CNOT10: variants seen among roughly 807,000 people sequenced by gnomAD.
The protein encoded by CNOT10 is CCR4-NOT transcription complex subunit 10.
A neutral mutation model predicts 94.6 loss-of-function variants in CNOT10; 30 were observed. That is an observed-to-expected ratio of 0.32 (90% CI 0.24 to 0.43). CNOT10 has a LOEUF of 0.43. CNOT10 is among the 20% of genes least tolerant of loss of function. The pLI, the probability that CNOT10 is intolerant of heterozygous loss-of-function variation, is 1.00. For synonymous variants in CNOT10, 289 were observed against 301.6 expected (o/e 0.96, Z 0.43); for missense variants, 759 against 877.2 (o/e 0.87, Z 1.70).
At position 32,728,564 on chromosome 3, in the gene CNOT10, G is replaced by C. The variant is rs528986464; in HGVS notation, c.1215+694G>C. ...GGAGGTGGAGGTTGGAGTGAGACCA[G>C]ATAGAGCCACTGCACTCCACCTTAG... On this transcript the variant is annotated intron_variant, in intron 10 of 18. Transcript: ENST00000328834. Among the ~76,000 whole-genome samples the C allele has an allele frequency of 3.9e-5, 6 of 152,108 alleles. No individual in the cohort carries two copies. In the South Asian group the frequency reaches 8.3e-4, roughly 21 times the overall value.
intron 13 of CNOT10, among the ~76,000 whole-genome samples, chr3:32,755,634 A>C (rs748955945): frequency 3.3e-5 from 5 of 151,884 alleles, no homozygotes; most frequent in Non-Finnish European, 7.4e-5. Context: ...ACTATTTCAG[A>C]TATTTGGTTT....
chr3:32,720,949 T>C (rs73059835), intron 8 of CNOT10, among the ~76,000 whole-genome samples: 19,316 of 138,958 alleles, frequency 0.14, 1,453 homozygotes, highest in South Asian at 0.2. Context: ...CTTCCCTTCC[T>C]TCCCTTCCCT....
chr3:32,708,129 C>G (rs1697708827), intron 3 of CNOT10, among the ~76,000 whole-genome samples: 1 of 152,036 alleles, frequency 6.6e-6, no homozygotes. Context: ...AACTCCTGAC[C>G]TCAAGTGATC....
intron 13 of CNOT10, among the ~76,000 whole-genome samples, chr3:32,749,115 T>G (rs1321009062): frequency 2.0e-5 from 3 of 151,744 alleles, no homozygotes; most frequent in Non-Finnish European, 4.4e-5. Flanking sequence ...AGCCAACGCA[T>G]CCGGCCAAGA....
chr3:32,697,249 C>T (rs1697116540), intron 1 of CNOT10, among the ~76,000 whole-genome samples: 1 of 152,144 alleles, frequency 6.6e-6, no homozygotes, highest in African/African-American at 2.4e-5. Context: ...CATGTCCAGC[C>T]TGATACTTCC....
intron 4 of CNOT10, among the ~76,000 whole-genome samples, chr3:32,711,450 C>CT (rs895807977): frequency 1.7e-4 from 25 of 150,250 alleles, no homozygotes; most frequent in African/African-American, 5.6e-4. Context: ...GATGCAACAA[C>CT]TTTTTTTTTT....
At position 32,733,335 on chromosome 3, in the gene CNOT10, T is replaced by G. The variant is rs1699040070; in HGVS notation, c.1216-88T>G. On this transcript the variant is annotated intron_variant, in intron 10 of 18. Coordinates refer to ENST00000328834, the MANE Select transcript of CNOT10 (RefSeq NM_015442.3). ...TTGACTTTAAGAACTTTCTTAAATT[T>G]AGAGTAATTGTGAGAGATATTCCCT... The G allele has an allele frequency of 2.9e-6, 3 of 1,048,078 alleles. No individual in the cohort carries two copies. The South Asian group carries it at 5.9e-5, about 21-fold the overall frequency. 64.9% of individuals were successfully genotyped at this position (1,048,078 alleles called of 1,614,324 possible). A position where few individuals can be genotyped will look rare whatever the true frequency, so the allele number is the denominator to read the frequency against.
chr3:32,729,596 A>G (rs544749870), intron 10 of CNOT10, among the ~76,000 whole-genome samples: 83 of 152,254 alleles, frequency 5.5e-4, no homozygotes, highest in Non-Finnish European at 1.1e-3. Flanking sequence ...GTTTTCATAC[A>G]TGGTACTTAG....
chr3:32,685,301 T>A lies in CNOT10; in HGVS notation c.-160T>A, dbSNP rs1696547128. ...ACGACGGGAACTAGCTCTCGTCACT[T>A]CCTCAGCCCGCCGTCTGCCCACTCC... On this transcript the variant is annotated 5_prime_UTR_variant, in exon 1 of 19. Transcript: ENST00000328834. 1 of 710,146 alleles carries A rather than the reference T, an allele frequency of 1.4e-6. No homozygotes were observed. Among genetic ancestry groups the A allele is most frequent in the Admixed American group, 2.7e-5 (1 of 37,694 alleles). 44.0% of individuals were successfully genotyped at this position (710,146 alleles called of 1,614,324 possible). A position where few individuals can be genotyped will look rare whatever the true frequency, so the allele number is the denominator to read the frequency against.
chr3:32,713,471 T>A (rs1697977567), intron 5 of CNOT10, 102 bp downstream of exon 5: 1 of 921,652 alleles, frequency 1.1e-6, no homozygotes, highest in Non-Finnish European at 1.6e-6. Flanking sequence ...ATATGATTAA[T>A]GTTTGTGGTT....
At position 32,685,365 on chromosome 3, in the gene CNOT10, C is replaced by T; in HGVS notation, c.-96C>T. ...TGGGGGCCCGGAGCCGGGGTAGGCA[C>T]AGAGTTGTCCTCGGAGGTCCAGGAC... On this transcript the variant is annotated 5_prime_UTR_variant, in exon 1 of 19. Coordinates refer to ENST00000328834, the MANE Select transcript of CNOT10 (RefSeq NM_015442.3). The T allele has an allele frequency of 6.9e-7, 1 of 1,444,462 alleles. No individual in the cohort carries two copies. The highest frequency in any genetic ancestry group is 1.4e-5 in the African/African-American group (1 of 71,022). The allele number at this position is 1,444,462 out of a possible 1,614,324, so 89.5% of individuals were successfully genotyped here.
At chr3:32,711,607 A>C (rs1174694596) in intron 4 of CNOT10, among the ~76,000 whole-genome samples, 1 of 152,192 alleles carries the variant, frequency 6.6e-6, no homozygotes, top group Non-Finnish European at 1.5e-5. Context: ...TAAGGTAATC[A>C]AGCAAGGCCT....
chr3:32,757,827 G>C (rs1700285034), intron 13 of CNOT10, among the ~76,000 whole-genome samples: 1 of 152,132 alleles, frequency 6.6e-6, no homozygotes, highest in Non-Finnish European at 1.5e-5. Flanking sequence ...TTGATAGTAG[G>C]CTTGCCAGGA....
intron 14 of CNOT10, 147 bp from the exon 15 acceptor site, chr3:32,762,586 C>G: frequency 1.2e-6 from 1 of 833,842 alleles, no homozygotes; most frequent in Non-Finnish European, 1.8e-6. Context: ...ATTCGTTTTA[C>G]CTAAATAAAT....
intron 10 of CNOT10, among the ~76,000 whole-genome samples, chr3:32,728,111 C>G (rs1029198253): frequency 6.6e-6 from 1 of 151,930 alleles, no homozygotes; most frequent in African/African-American, 2.4e-5. Context: ...ATTCTTCTGC[C>G]TCAGCCTCCC....
At chr3:32,727,912 C>A in intron 10 of CNOT10, 42 bp downstream of exon 10, 1 of 1,423,974 alleles carries the variant, frequency 7.0e-7, no homozygotes, top group Non-Finnish European at 9.7e-7. Context: ...TGTCTTCTCC[C>A]CACTTACTAC....
intron 8 of CNOT10, 130 bp downstream of exon 8, chr3:32,720,361 T>C (rs568706726): frequency 2.2e-6 from 1 of 444,884 alleles, no homozygotes; most frequent in Admixed American, 3.7e-5. Context: ...TTTTAATATT[T>C]CTGGTGCAAA....
chr3:32,726,691 G>C (rs1174385639), intron 9 of CNOT10, among the ~76,000 whole-genome samples: 1 of 95,276 alleles, frequency 1.0e-5, no homozygotes, highest in Non-Finnish European at 2.4e-5. Context: ...GCGAGACTCT[G>C]TCCATAATAA....
chr3:32,700,102 A>G (rs1044029863), intron 1 of CNOT10, among the ~76,000 whole-genome samples: 6 of 151,446 alleles, frequency 4.0e-5, no homozygotes, highest in Non-Finnish European at 8.8e-5. Context: ...CAGCCTCCCA[A>G]GTAGCTGAGA....
Sources: allele counts gnomAD v4.1 joint callset (sites outside exome capture counted in the v4.1 genomes callset), GRCh38; gene constraint gnomAD v4.1.1; transcripts MANE v1.5; gene names NCBI Gene and HGNC (gene_info 2026-07-23, HGNC 2026-07-21).